The following ITFG1 variants were observed in gnomAD, a reference collection of about 807,000 sequenced individuals.
ITFG1 encodes integrin alpha FG-GAP repeat containing 1, also known as T-cell immunomodulatory protein.
Under a neutral mutation model 81.8 loss-of-function variants are expected in ITFG1, and 34 were observed. The observed-to-expected ratio is 0.42, with a 90% CI of 0.32 to 0.55. The LOEUF is 0.55. ITFG1 is among the 20% of genes least tolerant of loss of function. The probability of loss-of-function intolerance (pLI) is 0.17; values close to 1 mark genes in which losing one functional copy is unlikely to be tolerated. For missense variants in ITFG1, 672 were observed against 755.4 expected, an observed-to-expected ratio of 0.89 and a Z score of 1.29; for synonymous variants, 285 against 270.6, an observed-to-expected ratio of 1.05 and a Z score of -0.52.
intron 6 of ITFG1, among the ~76,000 whole-genome samples, chr16:47,380,486 G>A (rs1968382489): frequency 6.6e-6 from 1 of 152,198 alleles, no homozygotes; most frequent in African/African-American, 2.4e-5. Flanking sequence ...GTGATGGACA[G>A]GTAGGAGAAA....
At chr16:47,261,838 A>C (rs1217992488) in intron 10 of ITFG1, among the ~76,000 whole-genome samples, 1 of 151,942 alleles carries the variant, frequency 6.6e-6, no homozygotes, top group Non-Finnish European at 1.5e-5. Context: ...ATGCCCAGTT[A>C]ATTTTTGTAT....
chr16:47,442,369 C>T (rs2151615123), intron 5 of ITFG1, among the ~76,000 whole-genome samples: 2 of 152,060 alleles, frequency 1.3e-5, no homozygotes, highest in South Asian at 4.2e-4. Flanking sequence ...GCCCACATTG[C>T]CAAGTCATAT....
At chr16:47,288,987 G>A (rs1054474787) in intron 10 of ITFG1, among the ~76,000 whole-genome samples, 1 of 152,092 alleles carries the variant, frequency 6.6e-6, no homozygotes, top group Non-Finnish European at 1.5e-5. Context: ...TTGGCAGTAG[G>A]TTTGTCATAT....
chr16:47,216,745 T>C (rs1965629540), intron 14 of ITFG1, among the ~76,000 whole-genome samples: 2 of 151,512 alleles, frequency 1.3e-5, no homozygotes, highest in Admixed American at 6.6e-5. Flanking sequence ...CACTGCAACA[T>C]CTACCTCCCA....
At position 47,389,052 on chromosome 16, in the gene ITFG1, G is replaced by A. The variant is rs1409349117; in HGVS notation, c.656-13112C>T. 2.6e-5 allele frequency among the ~76,000 whole-genome samples: 4 copies of A among 152,162 alleles called. No individual in the cohort carries two copies. In the East Asian group the frequency reaches 5.8e-4, roughly 22 times the overall value. ...AGCTCCCACCTTAAGATGTTTAAAAGTAGGAAAAGCCCTTTTTCAGGGCTC... is the reference window on the plus strand; with the variant it reads ...AGCTCCCACCTTAAGATGTTTAAAAATAGGAAAAGCCCTTTTTCAGGGCTC... On this transcript the variant is annotated intron_variant, in intron 6 of 17. Transcript: ENST00000320640.
intron 10 of ITFG1, among the ~76,000 whole-genome samples, chr16:47,309,095 G>A (rs986328864): frequency 3.5e-5 from 5 of 144,292 alleles, no homozygotes; most frequent in Admixed American, 1.4e-4. Flanking sequence ...TTGAGATGGC[G>A]TCTTGCTCTG....
chr16:47,325,009 C>T (rs546872361), intron 8 of ITFG1, among the ~76,000 whole-genome samples: 1 of 152,278 alleles, frequency 6.6e-6, no homozygotes, highest in South Asian at 2.1e-4. Flanking sequence ...GAACTCTCTA[C>T]CCCAAATCAA....
In ITFG1 at chr16:47,421,973, C is replaced by G. The variant is rs1056712298; in HGVS notation, c.655+6831G>C. 4.6e-5 allele frequency among the ~76,000 whole-genome samples: 7 copies of G among 152,290 alleles called. No individual in the cohort carries two copies. The East Asian group carries it at 1.4e-3, about 29-fold the overall frequency. ...GACAGTTTGCTTAGAATGATGATTT[C>G]CAGCTTCATCCATGTCCCTGCGAAG... On this transcript the variant is annotated intron_variant, in intron 6 of 17. Coordinates refer to ENST00000320640, the MANE Select transcript of ITFG1 (RefSeq NM_030790.5).
chr16:47,422,759 A>G (rs1217807331), intron 6 of ITFG1, among the ~76,000 whole-genome samples: 1 of 151,562 alleles, frequency 6.6e-6, no homozygotes, highest in East Asian at 1.9e-4. Flanking sequence ...CTTTTTCTAG[A>G]TTTTCCAGTT....
At chr16:47,424,254 C>T (rs1367109913) in intron 6 of ITFG1, among the ~76,000 whole-genome samples, 1 of 152,190 alleles carries the variant, frequency 6.6e-6, no homozygotes, top group Non-Finnish European at 1.5e-5. Context: ...TCACAAAGTT[C>T]TCATGCCATG....
At chr16:47,382,263 C>T (rs936844422) in intron 6 of ITFG1, among the ~76,000 whole-genome samples, 3 of 152,062 alleles carry the variant, frequency 2.0e-5, no homozygotes, top group African/African-American at 7.2e-5. Flanking sequence ...GAAGATCAAC[C>T]CTATTTCCTA....
chr16:47,372,433 C>A (rs1968268555), intron 7 of ITFG1, among the ~76,000 whole-genome samples: 1 of 150,642 alleles, frequency 6.6e-6, no homozygotes, highest in African/African-American at 2.4e-5. Context: ...TTAGTTACTT[C>A]TTTCGTCTTT....
chr16:47,181,451 G>C (rs1374367426), intron 14 of ITFG1, among the ~76,000 whole-genome samples: 5 of 122,142 alleles, frequency 4.1e-5, no homozygotes, highest in Admixed American at 2.3e-4. Flanking sequence ...GGAGGGAGGT[G>C]GGGGGGGTCA....
intron 8 of ITFG1, among the ~76,000 whole-genome samples, chr16:47,359,311 G>C (rs1359662171): frequency 6.6e-6 from 1 of 152,090 alleles, no homozygotes; most frequent in African/African-American, 2.4e-5. Flanking sequence ...TCTTCTAACA[G>C]ACATCTCAAA....
intron 7 of ITFG1, among the ~76,000 whole-genome samples, chr16:47,367,265 T>G (rs1358281468): frequency 2.6e-5 from 4 of 152,238 alleles, no homozygotes; most frequent in African/African-American, 9.6e-5. Context: ...CAGGAAGCTC[T>G]CAGAACCTAG....
At chr16:47,160,311 G>C (rs1316881155) in intron 16 of ITFG1, among the ~76,000 whole-genome samples, 2 of 151,630 alleles carry the variant, frequency 1.3e-5, no homozygotes, top group Non-Finnish European at 2.9e-5. Context: ...TGTATGTATA[G>C]ATGGCTTCTT....
intron 14 of ITFG1, among the ~76,000 whole-genome samples, chr16:47,177,261 C>A (rs1438877740): frequency 6.6e-6 from 1 of 152,210 alleles, no homozygotes; most frequent in Non-Finnish European, 1.5e-5. Flanking sequence ...TGAGCCACAT[C>A]ACCAGGCTGA....
Position 47,437,651 on chromosome 16 carries a change from T to C in ITFG1, c.561-8753A>G, listed in dbSNP as rs935747892. ...TACATTCTATTAGAAGCATACTCAC[T>C]GTCTCATTCAGCTATCTTTCTACAT... is the stretch of plus-strand genomic sequence containing the variant. On this transcript the variant is annotated intron_variant, in intron 5 of 17. Transcript: ENST00000320640. 5.3e-5 allele frequency among the ~76,000 whole-genome samples: 8 copies of C among 152,218 alleles called. No individual in the cohort carries two copies. The South Asian group carries it at 6.2e-4, about 12-fold the overall frequency.
intron 14 of ITFG1, chr16:47,218,052 AT>A: frequency 6.6e-6 from 1 of 152,242 alleles, no homozygotes; most frequent in Non-Finnish European, 1.5e-5. Context: ...AATGTGTGCA[AT>A]TAGCTAAAAA....
Sources: gnomAD v4.1 joint callset for allele counts (sites outside exome capture counted in the v4.1 genomes callset) on GRCh38, gnomAD v4.1.1 for gene constraint, MANE v1.5 for transcripts, NCBI Gene and HGNC (gene_info 2026-07-23, HGNC 2026-07-21) for gene names.